ENTREP2: variants seen among roughly 807,000 people sequenced by gnomAD.
ENTREP2 encodes endosomal transmembrane epsin interactor 2.
the ENTREP2 span, among the ~76,000 whole-genome samples, chr15:29,581,940 T>C: frequency 9.3e-6 from 1 of 107,086 alleles, no homozygotes; most frequent in Admixed American, 1.1e-4. Flanking sequence ...CAAAATATGC[T>C]GGTTTTTTTT....
the ENTREP2 span, among the ~76,000 whole-genome samples, chr15:29,651,995 G>C: frequency 6.6e-6 from 1 of 152,142 alleles, no homozygotes; most frequent in Non-Finnish European, 1.5e-5. Flanking sequence ...GGATTGGAGG[G>C]GGAACTCATG....
the ENTREP2 span, among the ~76,000 whole-genome samples, chr15:29,484,750 G>T: frequency 6.6e-6 from 1 of 152,078 alleles, no homozygotes; most frequent in African/African-American, 2.4e-5. Flanking sequence ...TTAACCCATA[G>T]AACTCACTTG....
the ENTREP2 span, chr15:29,126,245 TG>T: frequency 9.0e-6 from 13 of 1,443,652 alleles, no homozygotes; most frequent in Non-Finnish European, 1.2e-5. Flanking sequence ...TCTGGGGACA[TG>T]GGTGAGCCTG....
the ENTREP2 span, among the ~76,000 whole-genome samples, chr15:29,215,875 G>C: frequency 6.6e-6 from 1 of 152,134 alleles, no homozygotes; most frequent in South Asian, 2.1e-4. Context: ...CCTGAGGGCA[G>C]CAGTGGGTTG....
At chr15:29,421,433 T>G in the ENTREP2 span, among the ~76,000 whole-genome samples, 1 of 152,182 alleles carries the variant, frequency 6.6e-6, no homozygotes, top group African/African-American at 2.4e-5. Context: ...TAATCAAAGA[T>G]AGCAGAATTT....
chr15:29,462,615 C>CTAATAATAA, the ENTREP2 span, among the ~76,000 whole-genome samples: 4,206 of 151,534 alleles, frequency 0.028, 218 homozygotes, highest in African/African-American at 0.096. Context: ...GATCTCAAAA[C>CTAATAATAA]TAATAATAAT....
chr15:29,211,722 T>A, the ENTREP2 span, among the ~76,000 whole-genome samples: 1 of 152,224 alleles, frequency 6.6e-6, no homozygotes, highest in Non-Finnish European at 1.5e-5. Context: ...TTTTTCTGCA[T>A]CTGTTGAGAT....
the ENTREP2 span, chr15:29,118,154 T>A: frequency 6.6e-6 from 1 of 152,666 alleles, no homozygotes; most frequent in Non-Finnish European, 1.5e-5. Context: ...AGTCTCTTTT[T>A]TTGGCCCAGG....
chr15:29,664,438 T>C, the ENTREP2 span, among the ~76,000 whole-genome samples: 5 of 151,586 alleles, frequency 3.3e-5, no homozygotes, highest in East Asian at 7.7e-4. Context: ...CTCTTTATTT[T>C]TCTCTCTCTC....
the ENTREP2 span, among the ~76,000 whole-genome samples, chr15:29,336,275 A>T: frequency 6.6e-6 from 1 of 152,066 alleles, no homozygotes; most frequent in Non-Finnish European, 1.5e-5. Context: ...CCTATGCCAA[A>T]CTGTTTTCAA....
At chr15:29,257,313 T>C in the ENTREP2 span, among the ~76,000 whole-genome samples, 1 of 152,126 alleles carries the variant, frequency 6.6e-6, no homozygotes, top group Non-Finnish European at 1.5e-5. Flanking sequence ...CCTCAGGTGG[T>C]CCACCCGCCT....
At chr15:29,376,327 C>A in the ENTREP2 span, 41 of 152,080 alleles carry the variant, frequency 2.7e-4, no homozygotes, top group African/African-American at 9.2e-4. Context: ...CTGAATCTTT[C>A]AAAAAATCAT....
At chr15:29,207,118 G>T in the ENTREP2 span, among the ~76,000 whole-genome samples, 1 of 152,154 alleles carries the variant, frequency 6.6e-6, no homozygotes, top group Admixed American at 6.5e-5. Flanking sequence ...TTACTCCAGA[G>T]CATCAAGGAC....
the ENTREP2 span, among the ~76,000 whole-genome samples, chr15:29,653,886 T>C: frequency 6.6e-6 from 1 of 152,110 alleles, no homozygotes; most frequent in African/African-American, 2.4e-5. Flanking sequence ...GCTCCAGAAA[T>C]CGGAAAGAAT....
the ENTREP2 span, among the ~76,000 whole-genome samples, chr15:29,257,488 T>C: frequency 1.3e-5 from 2 of 152,324 alleles, no homozygotes; most frequent in South Asian, 2.1e-4. Context: ...TATCTTTTTA[T>C]AGGTTTCCCA....
chr15:29,642,502 TATATATC>T, the ENTREP2 span, among the ~76,000 whole-genome samples: 6,228 of 147,140 alleles, frequency 0.042, 156 homozygotes, highest in South Asian at 0.061. Flanking sequence ...TATATACACA[TATATATC>T]ATATATACAT....
the ENTREP2 span, among the ~76,000 whole-genome samples, chr15:29,367,887 C>A: frequency 4.9e-4 from 70 of 141,958 alleles, 2 homozygotes; most frequent in East Asian, 0.014. Flanking sequence ...CTATAGTGGA[C>A]AAGAAGAATT....
chr15:29,182,666 G>C, the ENTREP2 span, among the ~76,000 whole-genome samples: 2 of 152,006 alleles, frequency 1.3e-5, no homozygotes, highest in Non-Finnish European at 2.9e-5. Flanking sequence ...AAGAGAGAGA[G>C]AGAGAGAAGG....
chr15:29,420,887 GAGGCTGGTCCCACC>G, the ENTREP2 span, among the ~76,000 whole-genome samples: 3 of 152,178 alleles, frequency 2.0e-5, no homozygotes, highest in Admixed American at 1.3e-4. Context: ...AAGGCATTCT[GAGGCTGGTCCCACC>G]ATGCCCTCTG....
Sources: allele counts gnomAD v4.1 joint callset (sites outside exome capture counted in the v4.1 genomes callset), GRCh38; gene constraint gnomAD v4.1.1; transcripts MANE v1.5; gene names NCBI Gene and HGNC (gene_info 2026-07-23, HGNC 2026-07-21).